Variants in GFRA1 observed in about 807,000 individuals in gnomAD.
GFRA1 encodes the protein GDNF family receptor alpha 1.
GFRA1 carries 16 observed loss-of-function variants against 51.6 expected under a neutral mutation model. The observed-to-expected ratio is 0.31, with a 90% CI of 0.21 to 0.47. The LOEUF (loss-of-function observed/expected upper bound fraction) is 0.47. GFRA1 is among the 20% of genes least tolerant of loss of function. The probability of loss-of-function intolerance (pLI) is 1.00; values close to 1 mark genes in which losing one functional copy is unlikely to be tolerated. For synonymous variants in GFRA1, 270 were observed against 241.3 expected, an observed-to-expected ratio of 1.12 and a Z score of -1.10; for missense variants, 530 against 594.3, an observed-to-expected ratio of 0.89 and a Z score of 1.13.
At chr10:116,273,729 C>T (rs939412233), upstream of GFRA1, among the ~76,000 whole-genome samples, 1 of 152,114 alleles carries the variant, frequency 6.6e-6, no homozygotes, top group Non-Finnish European at 1.5e-5. Context: ...CACACATACA[C>T]GGGCACAAGG....
intron 5 of GFRA1, among the ~76,000 whole-genome samples, chr10:116,197,343 T>TA (rs2099544813): frequency 6.6e-6 from 1 of 152,108 alleles, no homozygotes; most frequent in African/African-American, 2.4e-5. Flanking sequence ...ATTAAGCCCT[T>TA]ACCAAACACG....
chr10:116,124,542 T>C (rs2134018591), intron 6 of GFRA1, among the ~76,000 whole-genome samples: 1 of 152,338 alleles, frequency 6.6e-6, no homozygotes, highest in African/African-American at 2.4e-5. Flanking sequence ...GTTTTTTCTT[T>C]TTTAAACACA....
chr10:116,079,914 C>CT (rs1158073062), intron 9 of GFRA1, among the ~76,000 whole-genome samples: 3 of 152,140 alleles, frequency 2.0e-5, no homozygotes, highest in Non-Finnish European at 4.4e-5. Flanking sequence ...AACCCCCACT[C>CT]TAACAAGACC....
intron 4 of GFRA1, among the ~76,000 whole-genome samples, chr10:116,224,480 C>T (rs1966143317): frequency 6.6e-6 from 1 of 152,140 alleles, no homozygotes; most frequent in African/African-American, 2.4e-5. Context: ...TAAAATGTAG[C>T]ACATCCACAC....
At chr10:116,078,086 C>A (rs534255335) in intron 9 of GFRA1, among the ~76,000 whole-genome samples, 1 of 152,110 alleles carries the variant, frequency 6.6e-6, no homozygotes, top group African/African-American at 2.4e-5. Flanking sequence ...TAAGGCCTGG[C>A]CCCCAAGATT....
At chr10:116,069,183 T>C (rs1188580504) in intron 9 of GFRA1, among the ~76,000 whole-genome samples, 2 of 152,158 alleles carry the variant, frequency 1.3e-5, no homozygotes, top group African/African-American at 2.4e-5. Context: ...ATATGTCTTT[T>C]AACAAGAGAT....
chr10:116,089,708 A>C (rs1177504298), intron 9 of GFRA1, 33 bp downstream of exon 9: 1 of 1,587,260 alleles, frequency 6.3e-7, no homozygotes. Flanking sequence ...CCAGGAAGGG[A>C]GCCCCAGCAA....
chr10:116,272,104 A>T lies in GFRA1; in HGVS notation c.-75T>A. Reference sequence around the variant, plus strand: ...CCGCTGGGTCTTGCCGAGGGAGCTCAGCGTGCAGCGATCCCCGGACAGCTG... The same window carrying T: ...CCGCTGGGTCTTGCCGAGGGAGCTCTGCGTGCAGCGATCCCCGGACAGCTG... On this transcript the variant is annotated 5_prime_UTR_variant, in exon 2 of 11. It removes the in-frame stop codon of an upstream open reading frame in the 5' UTR. Coordinates refer to ENST00000355422, the MANE Select transcript of GFRA1 (RefSeq NM_005264.8). This position sits in a 1 kb window ranked among gnomAD's most constrained non-coding sequence, Gnocchi z 4.4. 1 of 1,270,364 alleles carries T rather than the reference A, an allele frequency of 7.9e-7. No individual in the cohort carries two copies. 78.7% of individuals were successfully genotyped at this position (1,270,364 alleles called of 1,614,324 possible). A position where few individuals can be genotyped will look rare whatever the true frequency, so the allele number is the denominator to read the frequency against.
rs918693585 is a variant in GFRA1 at position 116,139,364 on chromosome 10, C to T, written c.434-13807G>A. On this transcript the variant is annotated intron_variant, in intron 5 of 10. Coordinates refer to ENST00000355422, the MANE Select transcript of GFRA1 (RefSeq NM_005264.8). ...AGCCTAGCATCCAGAACTGACATTT[C>T]CACCTAGCTATTTGCTCAATAAAAA... Among the ~76,000 whole-genome samples the T allele has an allele frequency of 4.4e-4, 67 of 152,198 alleles. 1 individual carries two copies. Among genetic ancestry groups the T allele is most frequent in the Non-Finnish European group, 1.5e-4 (10 of 68,032 alleles).
chr10:116,157,633 C>G (rs1184008856), intron 5 of GFRA1, among the ~76,000 whole-genome samples: 1 of 152,172 alleles, frequency 6.6e-6, no homozygotes, highest in African/African-American at 2.4e-5. Flanking sequence ...CTCACCAATC[C>G]ACCCTCTCCT....
intron 8 of GFRA1, among the ~76,000 whole-genome samples, chr10:116,092,271 T>C (rs186769516): frequency 1.3e-5 from 2 of 152,314 alleles, no homozygotes; most frequent in East Asian, 3.9e-4. Context: ...AAGCTTGTTT[T>C]ATTTTTAAGA....
chr10:116,102,961 T>C (rs1030990625), intron 6 of GFRA1, among the ~76,000 whole-genome samples: 3 of 152,302 alleles, frequency 2.0e-5, no homozygotes, highest in African/African-American at 7.2e-5. Flanking sequence ...GGCTTTCACT[T>C]CAAACCATTT....
intron 5 of GFRA1, among the ~76,000 whole-genome samples, chr10:116,178,579 T>C (rs775366067): frequency 1.3e-5 from 2 of 152,188 alleles, no homozygotes; most frequent in African/African-American, 2.4e-5. Flanking sequence ...ACAACTTCAC[T>C]AAGAGTTCTA....
intron 4 of GFRA1, among the ~76,000 whole-genome samples, chr10:116,260,932 G>A (rs1346128576): frequency 6.6e-6 from 1 of 152,078 alleles, no homozygotes; most frequent in Non-Finnish European, 1.5e-5. Context: ...AGGGCTTAAC[G>A]CAACAAATAA....
At chr10:116,160,707 C>T (rs1350920261) in intron 5 of GFRA1, among the ~76,000 whole-genome samples, 3 of 152,182 alleles carry the variant, frequency 2.0e-5, no homozygotes, top group Non-Finnish European at 4.4e-5. Context: ...ATATACGTTT[C>T]ACAAAAGGAT....
intron 4 of GFRA1, among the ~76,000 whole-genome samples, chr10:116,220,472 T>G (rs183527375): frequency 3.3e-5 from 5 of 152,274 alleles, no homozygotes; most frequent in South Asian, 2.1e-4. Flanking sequence ...AGAATAAATC[T>G]CTCTCTTTAC....
intron 4 of GFRA1, among the ~76,000 whole-genome samples, chr10:116,234,616 G>C (rs147654857): frequency 2.5e-4 from 38 of 152,188 alleles, no homozygotes; most frequent in African/African-American, 8.9e-4. Context: ...TAGTATATGC[G>C]AACATTCTAT....
At chr10:116,238,087 CTG>C (rs1469551860) in intron 4 of GFRA1, among the ~76,000 whole-genome samples, 2 of 152,166 alleles carry the variant, frequency 1.3e-5, no homozygotes, top group African/African-American at 2.4e-5. Flanking sequence ...CGTTTTTACT[CTG>C]TGTTTTACAT....
intron 6 of GFRA1, among the ~76,000 whole-genome samples, chr10:116,121,148 C>T (rs1957624815): frequency 6.6e-6 from 1 of 152,152 alleles, no homozygotes; most frequent in African/African-American, 2.4e-5. Flanking sequence ...AGCCAGCGCT[C>T]AGACAGGAGG....
Sources: allele counts gnomAD v4.1 joint callset (sites outside exome capture counted in the v4.1 genomes callset), GRCh38; gene constraint gnomAD v4.1.1; non-coding constraint Gnocchi (gnomAD v3.1); transcripts MANE v1.5; gene names NCBI Gene and HGNC (gene_info 2026-07-23, HGNC 2026-07-21).